Variants in MMP27 observed in about 807,000 individuals in gnomAD.
MMP27 encodes the protein matrix metallopeptidase 27.
A neutral mutation model predicts 48.1 loss-of-function variants in MMP27; 51 were observed. The ratio of observed to expected loss-of-function variants is 1.06; its 90% CI spans 0.85 to 1.34. The LOEUF (loss-of-function observed/expected upper bound fraction) is 1.34. MMP27 is among the 40% of genes most tolerant of loss of function. MMP27 has a pLI of 0.00. For missense variants in MMP27, 698 were observed against 619.3 expected (o/e 1.13, Z -1.35); for synonymous variants, 229 against 208.9 (o/e 1.10, Z -0.83).
intron 2 of MMP27, 132 bp from the exon 3 acceptor site, chr11:102,703,250 G>GATAA: frequency 4.1e-6 from 3 of 736,316 alleles, no homozygotes; most frequent in Non-Finnish European, 6.5e-6. Context: ...TTATCTTACA[G>GATAA]TTGCATTAGC....
chr11:102,701,395 C>A (rs1377041186), intron 4 of MMP27, among the ~76,000 whole-genome samples: 2 of 152,182 alleles, frequency 1.3e-5, no homozygotes, highest in African/African-American at 2.4e-5. Context: ...ATTTAAGAGA[C>A]AAAAGGATAG....
intron 4 of MMP27, among the ~76,000 whole-genome samples, chr11:102,699,657 G>T (rs1480722930): frequency 6.6e-6 from 1 of 152,190 alleles, no homozygotes; most frequent in Non-Finnish European, 1.5e-5. Context: ...TCTTGCCTTT[G>T]TTGCTGCCCC....
Position 102,692,946 on chromosome 11 carries a change from T to G in MMP27, c.1289A>C (p.Gln430Pro), listed in dbSNP as rs956595128. 3 of 1,612,486 alleles carry G rather than the reference T, an allele frequency of 1.9e-6. No homozygotes were observed. The highest frequency in any genetic ancestry group is 2.5e-6 in the Non-Finnish European group (3 of 1,178,698). ...GISIRVDAAF[Q>P]YKGFFFFSRG... is the part of the protein sequence containing the mutation. ...GAGACATCCATGCTTACCTTTGTAC[T>G]GGAAAGCAGCATCAACACGGATACT... Residue 430 changes from glutamine (Q) to proline (P), a missense_variant, in exon 9 of 10, where the codon CAG becomes CCG. Gln to Pro is a moderately conservative substitution (Grantham distance 76). Transcript: ENST00000260229.
intron 4 of MMP27, among the ~76,000 whole-genome samples, chr11:102,697,733 A>G (rs2464363): frequency 0.55 from 84,065 of 151,936 alleles, 23,353 homozygotes; most frequent in East Asian, 0.62. Flanking sequence ...CTTGAACTCC[A>G]GGCTAAAGCA....
chr11:102,696,727 G>C lies in MMP27; in HGVS notation c.728C>G (p.Pro243Arg). The change falls in exon 5 of 10, where the codon CCC becomes CGC. Residue 243 changes from proline (P) to arginine (R), a missense_variant. Physicochemically the swap from Pro to Arg is moderately radical, Grantham distance 103. Coordinates refer to ENST00000260229, the MANE Select transcript of MMP27 (RefSeq NM_022122.3). ...LMFPNYVSLDPRKYPLSQDDI... is the reference protein window; with the variant it reads ...LMFPNYVSLDRRKYPLSQDDI... ...ATCCTGAGAAAGTGGGTATTTTCTGGGATCCAGGGAGACATAATTTGGGAA... is the reference window on the plus strand; with the variant it reads ...ATCCTGAGAAAGTGGGTATTTTCTGCGATCCAGGGAGACATAATTTGGGAA... The C allele has an allele frequency of 6.2e-7, 1 of 1,613,778 alleles. No homozygotes were observed. Among genetic ancestry groups the C allele is most frequent in the Non-Finnish European group, 8.5e-7 (1 of 1,179,886 alleles).
chr11:102,704,703 T>A lies in MMP27; in HGVS notation c.175A>T (p.Ile59Leu). Residue 59 changes from isoleucine to leucine, a missense_variant, in exon 2 of 10, where the codon ATA becomes TTA. By Grantham distance (5) the Ile-to-Leu change is conservative. Coordinates refer to ENST00000260229, the MANE Select transcript of MMP27 (RefSeq NM_022122.3). ...TGCATTTCCCGAATTTTGTCATCTA[T>A]GAGACTCCTATTCTTGCTTTGAACA... is the stretch of plus-strand genomic sequence containing the variant. ...HLVQSKNRSLIDDKIREMQAF... is the reference protein window; with the variant it reads ...HLVQSKNRSLLDDKIREMQAF... The A allele has an allele frequency of 6.2e-7, 1 of 1,613,892 alleles. No homozygotes were observed. Among genetic ancestry groups the A allele is most frequent in the Non-Finnish European group, 8.5e-7 (1 of 1,179,958 alleles).
In MMP27 at chr11:102,705,596, A is replaced by T; in HGVS notation, c.102+17T>A. 1 of 1,424,296 alleles carries T rather than the reference A, an allele frequency of 7.0e-7. No individual in the cohort carries two copies. The allele number at this position is 1,424,296 out of a possible 1,614,324, so 88.2% of individuals were successfully genotyped here. On this transcript the variant is annotated intron_variant, in intron 1 of 9. Coordinates refer to ENST00000260229, the MANE Select transcript of MMP27 (RefSeq NM_022122.3). ...CTTTTTATCAATAGTCATCGATATC[A>T]TTTATTAAGACAGTACCTGAGCCAG...
chr11:102,700,762 A>G (rs1156428505), intron 4 of MMP27, among the ~76,000 whole-genome samples: 1 of 152,238 alleles, frequency 6.6e-6, no homozygotes, highest in East Asian at 1.9e-4. Flanking sequence ...CACACTCACA[A>G]TAGGCTTGGC....
chr11:102,704,520 G>A lies in MMP27; in HGVS notation c.341+17C>T. The A allele has an allele frequency of 6.4e-7, 1 of 1,552,528 alleles. No individual in the cohort carries two copies. Among genetic ancestry groups the A allele is most frequent in the Non-Finnish European group, 8.9e-7 (1 of 1,127,722 alleles). On this transcript the variant is annotated intron_variant, in intron 2 of 9. Transcript: ENST00000260229. ...GTTCCTTTGGATTAGGCGGAAATAA[G>A]CTGGCAGAAGCATTACCTGTAGGTG...
chr11:102,697,223 G>C (rs1860848483), intron 4 of MMP27, among the ~76,000 whole-genome samples: 1 of 152,184 alleles, frequency 6.6e-6, no homozygotes, highest in East Asian at 1.9e-4. Flanking sequence ...GCAATGGTAA[G>C]CATTTGTCTA....
At chr11:102,700,579 A>G (rs1254334770) in intron 4 of MMP27, among the ~76,000 whole-genome samples, 1 of 152,256 alleles carries the variant, frequency 6.6e-6, no homozygotes. Context: ...AGAAATAGAG[A>G]GTAAGAAAAT....
rs555469510 is a variant in MMP27, at chr11:102,703,881, C to A, written c.341+656G>T. Among the ~76,000 whole-genome samples the A allele has an allele frequency of 2.9e-3, 448 of 152,248 alleles. 2 individuals are homozygous for A. Among genetic ancestry groups the A allele is most frequent in the Middle Eastern group, 0.014 (4 of 294 alleles). On this transcript the variant is annotated intron_variant, in intron 2 of 9. Transcript: ENST00000260229. ...GAATTGCTCAGGAAAAGATTTTTCT[C>A]GTTTATGTTGCCTATCTTGCTAAAT...
intron 4 of MMP27, among the ~76,000 whole-genome samples, chr11:102,702,310 C>T (rs1860954229): frequency 6.6e-6 from 1 of 152,148 alleles, no homozygotes; most frequent in Non-Finnish European, 1.5e-5. Flanking sequence ...TCAAAATTAC[C>T]ACCTCCCTAG....
rs779129644 is a variant in MMP27, at chr11:102,704,719, G to T, written c.159C>A (p.Ser53Arg). 3.1e-6 allele frequency: 5 copies of T among 1,613,410 alleles called. No homozygotes were observed. The African/African-American group carries it at 6.7e-5, about 22-fold the overall frequency. Reference sequence around the variant, plus strand: ...TGTCATCTATGAGACTCCTATTCTTGCTTTGAACAAGATGATTCCCTTCTA... The same window carrying T: ...TGTCATCTATGAGACTCCTATTCTTTCTTTGAACAAGATGATTCCCTTCTA... ...LEIEGNHLVQ[S>R]KNRSLIDDKI... is the part of the protein sequence containing the mutation. The change falls in exon 2 of 10, where the codon AGC becomes AGA. Residue 53 changes from serine (S) to arginine (R), a missense_variant. Ser to Arg is a moderately radical substitution (Grantham distance 110, BLOSUM62 -1). Coordinates refer to ENST00000260229, the MANE Select transcript of MMP27 (RefSeq NM_022122.3).
intron 4 of MMP27, among the ~76,000 whole-genome samples, chr11:102,698,346 A>G (rs1461257981): frequency 2.0e-5 from 3 of 152,172 alleles, no homozygotes; most frequent in Admixed American, 6.5e-5. Context: ...TGTCATATCC[A>G]TAGTCCATAG....
chr11:102,702,711 T>C (rs1434812944), intron 4 of MMP27, 42 bp downstream of exon 4: 4 of 1,561,182 alleles, frequency 2.6e-6, no homozygotes, highest in Non-Finnish European at 3.5e-6. Context: ...CAGGGATTCT[T>C]TAGAATAATA....
Position 102,691,911 on chromosome 11 carries a change from T to A in MMP27, c.1397A>T (p.Lys466Ile). The A allele has an allele frequency of 6.2e-7, 1 of 1,613,652 alleles. No individual in the cohort carries two copies. The change falls in exon 10 of 10, where the codon AAA becomes ATA. Residue 466 changes from lysine (K) to isoleucine (I), a missense_variant. Coordinates refer to ENST00000260229, the MANE Select transcript of MMP27 (RefSeq NM_022122.3). ...IMRTNTWFQC[K>I]EPKNSSFGFD... Reference sequence around the variant, plus strand: ...ACCAAATGAGGAGTTCTTTGGTTCTTTGCATTGAAACCAAGTATTAGTTCT... The same window carrying A: ...ACCAAATGAGGAGTTCTTTGGTTCTATGCATTGAAACCAAGTATTAGTTCT...
Position 102,704,700 on chromosome 11 carries a change from C to G in MMP27, c.178G>C (p.Asp60His), listed in dbSNP as rs373306767. Reference sequence around the variant, plus strand: ...GCTTGCATTTCCCGAATTTTGTCATCTATGAGACTCCTATTCTTGCTTTGA... The same window carrying G: ...GCTTGCATTTCCCGAATTTTGTCATGTATGAGACTCCTATTCTTGCTTTGA... The part of the protein sequence containing the change: ...LVQSKNRSLI[D>H]DKIREMQAFF... The change falls in exon 2 of 10, where the codon GAT becomes CAT. Residue 60 changes from aspartate to histidine, a missense_variant. Coordinates refer to ENST00000260229, the MANE Select transcript of MMP27 (RefSeq NM_022122.3). 140 of 1,613,640 alleles carry G rather than the reference C, an allele frequency of 8.7e-5. No homozygotes were observed. Among genetic ancestry groups the G allele is most frequent in the Non-Finnish European group, 1.2e-4 (139 of 1,179,964 alleles).
At position 102,695,108 on chromosome 11, in the gene MMP27, C is replaced by CA. The variant is rs775608614; in HGVS notation, c.903-12dup. 6.2e-7 allele frequency: 1 copy of CA among 1,609,734 alleles called. No individual in the cohort carries two copies. Among genetic ancestry groups the CA allele is most frequent in the Admixed American group, 1.7e-5 (1 of 59,616 alleles). ...ATCCTCCATAGGTGCCTGTGTTAAA[C>CA]AAAAAACACTTTACACATGCAGCCT... On this transcript the variant is annotated splice_polypyrimidine_tract_variant and intron_variant, in intron 6 of 9. Coordinates refer to ENST00000260229, the MANE Select transcript of MMP27 (RefSeq NM_022122.3).
Sources: allele counts gnomAD v4.1 joint callset (sites outside exome capture counted in the v4.1 genomes callset), GRCh38; gene constraint gnomAD v4.1.1; transcripts MANE v1.5; gene names NCBI Gene and HGNC (gene_info 2026-07-23, HGNC 2026-07-21).